Variants in ASB1 observed in about 807,000 individuals in gnomAD.
ASB1 encodes the protein ankyrin repeat and SOCS box protein 1.
Under a neutral mutation model 27.7 loss-of-function variants are expected in ASB1, and 18 were observed. That is an observed-to-expected ratio of 0.65 (90% CI 0.45 to 0.96). The LOEUF (loss-of-function observed/expected upper bound fraction) is 0.96, where lower values mean the gene tolerates loss of function less well. Ranked by LOEUF, ASB1 falls within the 50% of genes least tolerant of loss-of-function variation. ASB1 has a pLI of 0.00. For missense variants in ASB1, 397 were observed against 451.7 expected, an observed-to-expected ratio of 0.88 and a Z score of 1.10; for synonymous variants, 189 against 187.6, an observed-to-expected ratio of 1.01 and a Z score of -0.06.
In ASB1 at chr2:238,433,618, C is replaced by T. The variant is rs1435148483; in HGVS notation, c.114C>T (p.Asp38=). Residue 38 remains aspartate (D), a synonymous_variant, in exon 2 of 5, where the codon GAC becomes GAT. Transcript: ENST00000264607. The part of the protein sequence containing the change: ...FCDHPLEHCE[D]TRLHDAAYVG... ...ATCATCCGCTGGAGCACTGTGAGGACACGAGGCTCCATGATGCAGCTTACG... is the reference window on the plus strand; with the variant it reads ...ATCATCCGCTGGAGCACTGTGAGGATACGAGGCTCCATGATGCAGCTTACG... 6.2e-7 allele frequency: 1 copy of T among 1,614,132 alleles called. No individual in the cohort carries two copies. The highest frequency in any genetic ancestry group is 2.2e-5 in the East Asian group (1 of 44,882).
rs1336725001 is a variant in ASB1 at position 238,435,866 on chromosome 2, A to G, written c.347A>G (p.Tyr116Cys). 6.2e-7 allele frequency: 1 copy of G among 1,614,246 alleles called. No homozygotes were observed. The highest frequency in any genetic ancestry group is 2.2e-5 in the East Asian group (1 of 44,896). The change falls in exon 3 of 5, where the codon TAT (tyrosine) becomes TGT (cysteine). Residue 116 changes from tyrosine (Y) to cysteine (C), a missense_variant. Transcript: ENST00000264607. ...GACGTAAAAGGACAGACGGCCCTGT[A>G]TGTGGCTGTGGTGAACGGGCACCTA... ...LVDVKGQTALYVAVVNGHLES... is the reference protein window; with the variant it reads ...LVDVKGQTALCVAVVNGHLES...
At position 238,427,035 on chromosome 2, in the gene ASB1, C is replaced by A; in HGVS notation, c.-36C>A. On this transcript the variant is annotated 5_prime_UTR_variant, in exon 1 of 5. Transcript: ENST00000264607. ...TTCTGCTTCCTGCCCGAGGGGCGTGCGCGGGTCAGGGGCGGCCGCGGAGGC... is the reference window on the plus strand; with the variant it reads ...TTCTGCTTCCTGCCCGAGGGGCGTGAGCGGGTCAGGGGCGGCCGCGGAGGC... The A allele has an allele frequency of 1.6e-6, 2 of 1,243,512 alleles. No individual in the cohort carries two copies. Among genetic ancestry groups the A allele is most frequent in the East Asian group, 6.4e-5 (2 of 31,292 alleles). 77.0% of individuals were successfully genotyped at this position (1,243,512 alleles called of 1,614,324 possible).
chr2:238,444,979 CTTTTTTTTT>C (rs34563680), intron 4 of ASB1, among the ~76,000 whole-genome samples: 50 of 117,870 alleles, frequency 4.2e-4, no homozygotes, highest in African/African-American at 1.6e-3. Context: ...CTCGCGCTCT[CTTTTTTTTT>C]TTTTTTTTTT....
At chr2:238,442,009 G>A (rs1459313240) in intron 3 of ASB1, among the ~76,000 whole-genome samples, 2 of 152,132 alleles carry the variant, frequency 1.3e-5, no homozygotes, top group African/African-American at 2.4e-5. Flanking sequence ...TTCCCAATCT[G>A]ATAGGTGAGA....
intron 2 of ASB1, 62 bp downstream of exon 2, chr2:238,433,757 A>C (rs1701915748): frequency 1.3e-6 from 2 of 1,581,114 alleles, no homozygotes; most frequent in African/African-American, 2.7e-5. Context: ...TGTGAAGCTG[A>C]GCCCCACAGT....
Position 238,427,121 on chromosome 2 carries a change from TA to T in ASB1, c.49+4del. On this transcript the variant is annotated splice_donor_region_variant and intron_variant, in intron 1 of 4. Coordinates refer to ENST00000264607, the MANE Select transcript of ASB1 (RefSeq NM_001040445.3). The stretch of plus-strand genomic sequence containing the variant: ...GGCGGGCAGGGCCGGGCTCCGCAGG[TA>T]ACGTGCGCGCGGCCACTGGGCCGCG... 1.6e-6 allele frequency: 2 copies of T among 1,249,164 alleles called. No homozygotes were observed. The highest frequency in any genetic ancestry group is 3.2e-5 in the South Asian group (1 of 31,538). 77.4% of individuals were successfully genotyped at this position (1,249,164 alleles called of 1,614,324 possible). A position where few individuals can be genotyped will look rare whatever the true frequency, so the allele number is the denominator to read the frequency against.
chr2:238,445,484 A>T (rs562204921), intron 4 of ASB1, among the ~76,000 whole-genome samples: 2 of 152,304 alleles, frequency 1.3e-5, no homozygotes, highest in African/African-American at 4.8e-5. Flanking sequence ...GTAACAATAA[A>T]GTTCCTGGTC....
At position 238,438,199 on chromosome 2, in the gene ASB1, A is replaced by ATTTTTTTTTTTT. The variant is rs57391955; in HGVS notation, c.494+2193_494+2204dup. ...AGAAGTACATATACAGATGCCCTTC[A>ATTTTTTTTTTTT]TTTTTTTTTTTTTTTTTTGAGACGG... On this transcript the variant is annotated intron_variant, in intron 3 of 4. Transcript: ENST00000264607. 5.3e-3 allele frequency among the ~76,000 whole-genome samples: 525 copies of ATTTTTTTTTTTT among 98,178 alleles called. 37 individuals are homozygous for ATTTTTTTTTTTT. Among genetic ancestry groups the ATTTTTTTTTTTT allele is most frequent in the Middle Eastern group, 7.9e-3 (1 of 126 alleles). 64.4% of individuals were successfully genotyped at this position (98,178 alleles called of 152,430 possible).
chr2:238,427,284 C>A, intron 1 of ASB1, 165 bp downstream of exon 1: 1 of 431,792 alleles, frequency 2.3e-6, no homozygotes, highest in Non-Finnish European at 3.8e-6. Context: ...GCGCGGCTCG[C>A]AGTGCTGGGC....
intron 3 of ASB1, among the ~76,000 whole-genome samples, chr2:238,443,830 A>G (rs1443751771): frequency 6.6e-6 from 1 of 152,002 alleles, no homozygotes; most frequent in Non-Finnish European, 1.5e-5. Flanking sequence ...AGAGTTTCTA[A>G]TATTGGAGTT....
In ASB1 at chr2:238,450,193, T is replaced by C. The variant is rs1702255929; in HGVS notation, c.*3682T>C. The C allele has an allele frequency of 6.6e-6, 1 of 152,322 alleles. No homozygotes were observed. 9.4% of individuals were successfully genotyped at this position (152,322 alleles called of 1,614,324 possible). The stretch of plus-strand genomic sequence containing the variant: ...ACCCTGGGAGATCCGGGCTGGACTG[T>C]GGACCCCGATGGGCCAGAGTCCTTG... On this transcript the variant is annotated 3_prime_UTR_variant, in exon 5 of 5. Coordinates refer to ENST00000264607, the MANE Select transcript of ASB1 (RefSeq NM_001040445.3).
At chr2:238,435,407 T>G in intron 2 of ASB1, 9 of 368,292 alleles carry the variant, frequency 2.4e-5, no homozygotes, top group East Asian at 5.9e-5. Flanking sequence ...CTTCCCACCT[T>G]TGTAGAGGAA....
chr2:238,439,504 C>A (rs991320610), intron 3 of ASB1, among the ~76,000 whole-genome samples: 1 of 152,156 alleles, frequency 6.6e-6, no homozygotes, highest in African/African-American at 2.4e-5. Context: ...TGGAAGGTGA[C>A]GCAGTTCTGT....
In ASB1 at chr2:238,446,836, A is replaced by C; in HGVS notation, c.*325A>C. ...GCCTACTAATTTCCCTGTAGGGAAG[A>C]CTCCCAGCACTTCTGGAACTGTGCT... On this transcript the variant is annotated 3_prime_UTR_variant, in exon 5 of 5. Transcript: ENST00000264607. 3 of 257,460 alleles carry C rather than the reference A, an allele frequency of 1.2e-5. No individual in the cohort carries two copies. Among genetic ancestry groups the C allele is most frequent in the Non-Finnish European group, 2.2e-5 (3 of 134,506 alleles). The allele number at this position is 257,460 out of a possible 1,614,324, so 15.9% of individuals were successfully genotyped here.
At chr2:238,429,428 C>T (rs1196908750) in intron 1 of ASB1, among the ~76,000 whole-genome samples, 2 of 152,166 alleles carry the variant, frequency 1.3e-5, no homozygotes, top group Non-Finnish European at 2.9e-5. Flanking sequence ...TAATAAGTAT[C>T]TGATTGTACA....
intron 1 of ASB1, among the ~76,000 whole-genome samples, chr2:238,429,365 CT>C (rs1013055764): frequency 7.9e-5 from 12 of 152,150 alleles, no homozygotes; most frequent in Non-Finnish European, 1.5e-4. Flanking sequence ...ACTCTTAAAT[CT>C]TCAGGAGTTT....
intron 3 of ASB1, 135 bp downstream of exon 3, chr2:238,436,148 CTT>C (rs1216761653): frequency 1.3e-6 from 1 of 754,526 alleles, no homozygotes; most frequent in African/African-American, 1.8e-5. Context: ...AGAGCTGCCT[CTT>C]GGCTTTATCA....
At chr2:238,433,758 G>A in intron 2 of ASB1, 63 bp downstream of exon 2, 1 of 1,580,338 alleles carries the variant, frequency 6.3e-7, no homozygotes, top group Non-Finnish European at 8.6e-7. Context: ...GTGAAGCTGA[G>A]CCCCACAGTC....
At chr2:238,429,806 C>T (rs554021084) in intron 1 of ASB1, among the ~76,000 whole-genome samples, 12 of 151,982 alleles carry the variant, frequency 7.9e-5, no homozygotes, top group East Asian at 3.9e-4. Flanking sequence ...GGTGTGGTGG[C>T]GGGTACCTGT....
Sources: allele counts gnomAD v4.1 joint callset (sites outside exome capture counted in the v4.1 genomes callset), GRCh38; gene constraint gnomAD v4.1.1; transcripts MANE v1.5; gene names NCBI Gene and HGNC (gene_info 2026-07-23, HGNC 2026-07-21).